Variants in RPTOR observed in about 807,000 individuals in gnomAD.
RPTOR encodes regulatory associated protein of MTOR complex 1, also known as regulatory-associated protein of mTOR.
Under a neutral mutation model 169.9 loss-of-function variants are expected in RPTOR, and 21 were observed. That is an observed-to-expected ratio of 0.12 (90% CI 0.09 to 0.18). The LOEUF is 0.18. Ranked by LOEUF, RPTOR falls within the 10% of genes least tolerant of loss-of-function variation. The probability of loss-of-function intolerance (pLI) is 1.00; values close to 1 mark genes in which losing one functional copy is unlikely to be tolerated. For synonymous variants in RPTOR, 732 were observed against 753.2 expected (o/e 0.97, Z 0.46); for missense variants, 1,133 against 1,855.9 (o/e 0.61, Z 7.16).
intron 6 of RPTOR, 62 bp from the exon 7 acceptor site, chr17:80,791,381 TGCAGGCC>T: frequency 1.4e-6 from 2 of 1,430,114 alleles, no homozygotes; most frequent in African/African-American, 1.4e-5. Flanking sequence ...TCCCTTTTTC[TGCAGGCC>T]TGTTGAATTT....
At chr17:80,741,868 C>T (rs2066485069) in intron 5 of RPTOR, among the ~76,000 whole-genome samples, 1 of 152,100 alleles carries the variant, frequency 6.6e-6, no homozygotes, top group African/African-American at 2.4e-5. Context: ...AAAGGAGAGG[C>T]ACTGACAGAC....
At chr17:80,681,946 T>C (rs545229972) in intron 3 of RPTOR, among the ~76,000 whole-genome samples, 2 of 152,212 alleles carry the variant, frequency 1.3e-5, no homozygotes, top group African/African-American at 4.8e-5. Context: ...TATTAGAATA[T>C]TGGTAAATGA....
chr17:80,718,858 TG>T (rs1407868209), intron 4 of RPTOR, among the ~76,000 whole-genome samples: 4 of 152,210 alleles, frequency 2.6e-5, no homozygotes, highest in Middle Eastern at 3.4e-3. Flanking sequence ...TTTGATGCCG[TG>T]TGAAGCCTGG....
chr17:80,855,687 GTGT>G, intron 12 of RPTOR, 140 bp downstream of exon 12: 1 of 683,364 alleles, frequency 1.5e-6, no homozygotes, highest in Non-Finnish European at 2.6e-6. Flanking sequence ...CACCGTGTTG[GTGT>G]CCTGTCACTC....
At chr17:80,678,150 A>G (rs1408463202) in intron 3 of RPTOR, among the ~76,000 whole-genome samples, 1 of 152,252 alleles carries the variant, frequency 6.6e-6, no homozygotes, top group Admixed American at 6.5e-5. Flanking sequence ...CCCCACTACC[A>G]CAAGGCTCTG....
At chr17:80,617,820 C>G (rs2065323428) in intron 1 of RPTOR, among the ~76,000 whole-genome samples, 1 of 152,132 alleles carries the variant, frequency 6.6e-6, no homozygotes, top group African/African-American at 2.4e-5. Flanking sequence ...GCTGCGCACG[C>G]TAGGCCTCAA....
intron 2 of RPTOR, among the ~76,000 whole-genome samples, chr17:80,634,769 C>CATACT (rs2065490201): frequency 2.1e-5 from 1 of 47,694 alleles, no homozygotes; most frequent in African/African-American, 8.5e-5. Context: ...GCGTACTGTG[C>CATACT]GTGTGTGTAC....
At chr17:80,681,495 G>C (rs540928283) in intron 3 of RPTOR, among the ~76,000 whole-genome samples, 2 of 152,178 alleles carry the variant, frequency 1.3e-5, no homozygotes, top group Non-Finnish European at 2.9e-5. Context: ...GAGTGCTGCG[G>C]GGAGTGTAGG....
chr17:80,584,827 G>C (rs896862244), intron 1 of RPTOR, among the ~76,000 whole-genome samples: 2 of 152,232 alleles, frequency 1.3e-5, no homozygotes, highest in Non-Finnish European at 2.9e-5. Flanking sequence ...AATCGAGGCT[G>C]TGGTAGCTGG....
intron 3 of RPTOR, among the ~76,000 whole-genome samples, chr17:80,684,475 G>A (rs879677493): frequency 6.7e-5 from 10 of 149,194 alleles, no homozygotes; most frequent in African/African-American, 2.5e-4. Context: ...GCATAGTCTC[G>A]CTCTGCCGCC....
chr17:80,821,223 G>A (rs913218156), intron 7 of RPTOR, among the ~76,000 whole-genome samples: 17 of 152,184 alleles, frequency 1.1e-4, no homozygotes, highest in Non-Finnish European at 1.6e-4. Flanking sequence ...GTTCAAGAGC[G>A]GCCTGGGCAA....
At chr17:80,897,650 C>G (rs1188711737) in intron 20 of RPTOR, among the ~76,000 whole-genome samples, 1 of 152,230 alleles carries the variant, frequency 6.6e-6, no homozygotes, top group Non-Finnish European at 1.5e-5. Flanking sequence ...TGGGCGCTCC[C>G]CATTGGCATT....
chr17:80,930,312 C>CCAACT (rs2068868669), intron 24 of RPTOR, among the ~76,000 whole-genome samples: 1 of 80,142 alleles, frequency 1.2e-5, no homozygotes, highest in African/African-American at 4.5e-5. Context: ...CAGCTCATCC[C>CCAACT]CAGCTCAGCT....
At chr17:80,827,282 A>T (rs1402693336) in intron 9 of RPTOR, among the ~76,000 whole-genome samples, 1 of 152,246 alleles carries the variant, frequency 6.6e-6, no homozygotes, top group Admixed American at 6.5e-5. Context: ...GGCACTAGCC[A>T]TCTAATCCTG....
intron 7 of RPTOR, among the ~76,000 whole-genome samples, chr17:80,796,993 C>T (rs1452071160): frequency 2.0e-5 from 3 of 152,228 alleles, no homozygotes; most frequent in Admixed American, 1.3e-4. Context: ...AAGTGGACGT[C>T]AGTTTTTAAC....
At chr17:80,842,887 C>T (rs1314911960) in intron 10 of RPTOR, among the ~76,000 whole-genome samples, 1 of 152,194 alleles carries the variant, frequency 6.6e-6, no homozygotes, top group Non-Finnish European at 1.5e-5. Flanking sequence ...GCGTGGCTCC[C>T]TCTGTTCCCT....
At chr17:80,576,734 C>T (rs1599567076) in intron 1 of RPTOR, among the ~76,000 whole-genome samples, 2 of 152,322 alleles carry the variant, frequency 1.3e-5, no homozygotes, top group East Asian at 3.9e-4. Context: ...GACAGGGTCT[C>T]GCTCTGTTAT....
At chr17:80,819,549 A>G (rs1293079805) in intron 7 of RPTOR, among the ~76,000 whole-genome samples, 1 of 152,230 alleles carries the variant, frequency 6.6e-6, no homozygotes, top group African/African-American at 2.4e-5. Flanking sequence ...ACAGCACCAC[A>G]CACCCTACAT....
At chr17:80,880,722 C>G (rs2068177638) in intron 14 of RPTOR, among the ~76,000 whole-genome samples, 1 of 152,196 alleles carries the variant, frequency 6.6e-6, no homozygotes, top group Non-Finnish European at 1.5e-5. Context: ...GCTCAGTTAA[C>G]CCGGACACAT....
Sources: gnomAD v4.1 joint callset for allele counts (sites outside exome capture counted in the v4.1 genomes callset) on GRCh38, gnomAD v4.1.1 for gene constraint, MANE v1.5 for transcripts, NCBI Gene and HGNC (gene_info 2026-07-23, HGNC 2026-07-21) for gene names.